WDPCP: variants seen among roughly 807,000 people sequenced by gnomAD.
WDPCP encodes the protein WD repeat-containing and planar cell polarity effector protein fritz homolog.
WDPCP carries 71 observed loss-of-function variants against 93.1 expected under a neutral mutation model. The ratio of observed to expected loss-of-function variants is 0.76; its 90% CI spans 0.63 to 0.93. The LOEUF (loss-of-function observed/expected upper bound fraction) is 0.93, where lower values mean the gene tolerates loss of function less well. WDPCP is among the 40% of genes least tolerant of loss of function. The pLI is 0.00. For missense variants in WDPCP, 844 were observed against 887.4 expected, an observed-to-expected ratio of 0.95 and a Z score of 0.62; for synonymous variants, 315 against 315.0, an observed-to-expected ratio of 1.00 and a Z score of 0.00.
intron 2 of WDPCP, among the ~76,000 whole-genome samples, chr2:63,712,426 T>C (rs1381725559): frequency 6.6e-6 from 1 of 152,224 alleles, no homozygotes; most frequent in East Asian, 1.9e-4. Flanking sequence ...TCAACTCCCA[T>C]AGCAAGAATA....
intron 12 of WDPCP, among the ~76,000 whole-genome samples, chr2:63,342,522 T>C (rs968579724): frequency 2.6e-5 from 4 of 152,216 alleles, no homozygotes; most frequent in Admixed American, 2.6e-4. Flanking sequence ...TTTCTGTATA[T>C]ATTTTTAGTT....
At chr2:63,756,179 T>A (rs1669965748) in intron 2 of WDPCP, among the ~76,000 whole-genome samples, 1 of 152,226 alleles carries the variant, frequency 6.6e-6, no homozygotes, top group South Asian at 2.1e-4. Flanking sequence ...TTCCTAAACA[T>A]TTAACAACTC....
intron 14 of WDPCP, among the ~76,000 whole-genome samples, chr2:63,181,788 A>G (rs1674261506): frequency 6.6e-6 from 1 of 151,050 alleles, no homozygotes; most frequent in African/African-American, 2.4e-5. Context: ...GTTTTTTTTT[A>G]ATGATATTGA....
chr2:63,193,997 CCTT>C (rs1675231249), intron 14 of WDPCP, among the ~76,000 whole-genome samples: 1 of 152,046 alleles, frequency 6.6e-6, no homozygotes, highest in Non-Finnish European at 1.5e-5. Flanking sequence ...AGAAAGAAAA[CCTT>C]CTGGTAGTGA....
chr2:63,829,199 A>C (rs917072183), upstream of WDPCP, among the ~76,000 whole-genome samples: 1 of 152,150 alleles, frequency 6.6e-6, no homozygotes, highest in Non-Finnish European at 1.5e-5. Context: ...CAGAAAGCTG[A>C]AAAACATTTC....
At chr2:63,840,553 A>T in the WDPCP span, among the ~76,000 whole-genome samples, 2 of 152,044 alleles carry the variant, frequency 1.3e-5, no homozygotes, top group Admixed American at 1.3e-4. Flanking sequence ...CTACTCCCTA[A>T]CGCATCCTCA....
In WDPCP at chr2:63,426,034, A is replaced by G. The variant is rs527911835; in HGVS notation, c.825+7711T>C. On this transcript the variant is annotated intron_variant, in intron 9 of 17. Transcript: ENST00000272321. ...TCAGGCTAGCAACAGACCTCTCAGC[A>G]GAAACTTAAAAGGCAAAAGAGGAGG... Among the ~76,000 whole-genome samples, 19 of 152,300 alleles carry G rather than the reference A, an allele frequency of 1.2e-4. No individual in the cohort carries two copies. In the South Asian group the frequency reaches 3.9e-3, roughly 32 times the overall value.
chr2:63,617,059 C>A (rs769422608), intron 3 of WDPCP, among the ~76,000 whole-genome samples: 50 of 152,184 alleles, frequency 3.3e-4, no homozygotes, highest in Non-Finnish European at 2.1e-4. Context: ...TGGGGCAGAA[C>A]TGAGCACTTG....
chr2:63,492,738 A>G lies in WDPCP; in HGVS notation c.160+118T>C. The G allele has an allele frequency of 5.7e-6, 5 of 879,104 alleles. No individual in the cohort carries two copies. In the South Asian group the frequency reaches 8.0e-5, roughly 14 times the overall value. 54.5% of individuals were successfully genotyped at this position (879,104 alleles called of 1,614,324 possible). A position where few individuals can be genotyped will look rare whatever the true frequency, so the allele number is the denominator to read the frequency against. On this transcript the variant is annotated intron_variant, in intron 2 of 17. Coordinates refer to ENST00000272321, the MANE Select transcript of WDPCP (RefSeq NM_015910.7). ...TTTTCCATTAACCAATTTTTCATTA[A>G]GAATAAAGAAAGAATGCAACTCCAG... is the stretch of plus-strand genomic sequence containing the variant.
chr2:63,138,164 T>G lies in WDPCP; in HGVS notation c.2190+14750A>C, dbSNP rs547419173. Among the ~76,000 whole-genome samples the G allele has an allele frequency of 2.6e-4, 39 of 150,674 alleles. No individual in the cohort carries two copies. In the South Asian group the frequency reaches 8.0e-3, roughly 31 times the overall value. On this transcript the variant is annotated intron_variant, in intron 17 of 17. Transcript: ENST00000272321. ...CCCACTTTTATTTGTAATAAAAAAT[T>G]GCACTGCAGTGAGCATCCTTATGAT...
In WDPCP at chr2:63,486,575, C is replaced by T; in HGVS notation, c.220G>A (p.Gly74Ser). The T allele has an allele frequency of 1.9e-6, 3 of 1,575,776 alleles. No homozygotes were observed. The highest frequency in any genetic ancestry group is 2.6e-6 in the Non-Finnish European group (3 of 1,157,560). The change falls in exon 4 of 18, where the codon GGT (glycine) becomes AGT (serine). Residue 74 changes from glycine to serine, a missense_variant. Transcript: ENST00000272321. ...DKKDPPATEH[G>S]NLEKKQKLAE... ...AGCTTCTGCTTCTTTTCTAAGTTAC[C>T]ATGCTCTGTCGCTGATATTGTGGCA...
intron 14 of WDPCP, among the ~76,000 whole-genome samples, chr2:63,250,280 A>C (rs1223817806): frequency 6.6e-6 from 1 of 152,164 alleles, no homozygotes; most frequent in Non-Finnish European, 1.5e-5. Context: ...GGACAAAGGG[A>C]TTCACATCCT....
At chr2:63,408,639 C>G (rs1295782376) in intron 9 of WDPCP, among the ~76,000 whole-genome samples, 1 of 152,120 alleles carries the variant, frequency 6.6e-6, no homozygotes, top group Non-Finnish European at 1.5e-5. Flanking sequence ...AGCTAGGAGG[C>G]AGGTAGCCTA....
intron 14 of WDPCP, among the ~76,000 whole-genome samples, chr2:63,179,952 T>G (rs1674108273): frequency 6.6e-6 from 1 of 152,170 alleles, no homozygotes; most frequent in Non-Finnish European, 1.5e-5. Context: ...CATGTGCACT[T>G]GAAAATAATG....
intron 10 of WDPCP, among the ~76,000 whole-genome samples, chr2:63,396,872 G>A (rs541590232): frequency 6.6e-6 from 1 of 152,238 alleles, no homozygotes; most frequent in South Asian, 2.1e-4. Context: ...GTGTTCATGA[G>A]TTGTCAGCAT....
intron 12 of WDPCP, among the ~76,000 whole-genome samples, chr2:63,332,858 C>T (rs1486405751): frequency 1.3e-5 from 2 of 152,264 alleles, no homozygotes; most frequent in African/African-American, 4.8e-5. Context: ...ATCCTCCCAC[C>T]TTAGCTTCCC....
intron 13 of WDPCP, among the ~76,000 whole-genome samples, chr2:63,295,400 A>G (rs1488352704): frequency 3.9e-5 from 6 of 152,146 alleles, no homozygotes; most frequent in Admixed American, 1.3e-4. Context: ...GATTTACTAT[A>G]GAGCCAAAGA....
intron 14 of WDPCP, among the ~76,000 whole-genome samples, chr2:63,234,578 CAAG>C (rs1349860377): frequency 6.6e-6 from 1 of 152,218 alleles, no homozygotes; most frequent in East Asian, 1.9e-4. Flanking sequence ...TACATATAAT[CAAG>C]AAAGCTGTGG....
intron 1 of WDPCP, among the ~76,000 whole-genome samples, chr2:63,524,972 T>C (rs1212437472): frequency 2.0e-5 from 3 of 152,102 alleles, no homozygotes; most frequent in Non-Finnish European, 4.4e-5. Context: ...TTATTCACAA[T>C]AGTAAAGACA....
Sources: allele counts gnomAD v4.1 joint callset (sites outside exome capture counted in the v4.1 genomes callset), GRCh38; gene constraint gnomAD v4.1.1; transcripts MANE v1.5; gene names NCBI Gene and HGNC (gene_info 2026-07-23, HGNC 2026-07-21).